The following IFT88 variants were observed in gnomAD, a reference collection of about 807,000 sequenced individuals.
The protein encoded by IFT88 is intraflagellar transport protein 88 homolog.
In IFT88, 74 loss-of-function variants were observed where a neutral mutation model predicts 119.5. That is an observed-to-expected ratio of 0.62 (90% CI 0.51 to 0.75). The LOEUF (loss-of-function observed/expected upper bound fraction) is 0.75, where lower values mean the gene tolerates loss of function less well. IFT88 is among the 30% of genes least tolerant of loss of function. IFT88 has a pLI of 0.00. For synonymous variants in IFT88, 279 were observed against 316.7 expected (o/e 0.88, Z 1.26); for missense variants, 961 against 977.7 (o/e 0.98, Z 0.23).
chr13:20,576,679 A>T (rs1218867922), intron 2 of IFT88, among the ~76,000 whole-genome samples: 1 of 152,160 alleles, frequency 6.6e-6, no homozygotes, highest in Non-Finnish European at 1.5e-5. Flanking sequence ...AGTTCACTGT[A>T]GATGTCTAGA....
intron 4 of IFT88, among the ~76,000 whole-genome samples, chr13:20,590,196 A>G (rs1016624999): frequency 2.3e-4 from 35 of 152,282 alleles, no homozygotes; most frequent in African/African-American, 7.5e-4. Flanking sequence ...CATAAATGTA[A>G]TAGTGTATAT....
chr13:20,666,514 C>T (rs1021759786), intron 23 of IFT88, among the ~76,000 whole-genome samples: 2 of 152,078 alleles, frequency 1.3e-5, no homozygotes, highest in Non-Finnish European at 2.9e-5. Context: ...TTCCAGTCCC[C>T]GGAAGAGTAG....
intron 24 of IFT88, among the ~76,000 whole-genome samples, chr13:20,687,589 C>T (rs139423379): frequency 6.6e-6 from 1 of 152,164 alleles, no homozygotes; most frequent in East Asian, 1.9e-4. Flanking sequence ...TAGACTTAGC[C>T]TTTTAAATGA....
intron 21 of IFT88, among the ~76,000 whole-genome samples, chr13:20,654,473 A>G (rs1255133364): frequency 6.6e-6 from 1 of 152,242 alleles, no homozygotes; most frequent in Non-Finnish European, 1.5e-5. Flanking sequence ...TGTGAAGTGA[A>G]TAATATGCAT....
At chr13:20,587,213 T>C (rs1352062150) in intron 3 of IFT88, among the ~76,000 whole-genome samples, 1 of 152,052 alleles carries the variant, frequency 6.6e-6, no homozygotes, top group Non-Finnish European at 1.5e-5. Context: ...TGGTTTTGTT[T>C]AGATGTTCAA....
intron 15 of IFT88, among the ~76,000 whole-genome samples, chr13:20,630,782 C>G (rs2048091282): frequency 1.3e-5 from 2 of 152,154 alleles, no homozygotes; most frequent in Non-Finnish European, 1.5e-5. Flanking sequence ...GTTAGAACAT[C>G]TATGTTTTCT....
chr13:20,591,007 CAG>C lies in IFT88; in HGVS notation c.252_253del (p.Ala86TyrfsTer7), dbSNP rs1373126554. ...GCATCATCAATAGGAAGACCAATGA[CAG>C]GGGCTATTCAGGTATCTCTATTGGA... On this transcript the variant is annotated frameshift_variant, in exon 5 of 26. Coordinates refer to ENST00000351808, the MANE Select transcript of IFT88 (RefSeq NM_006531.5). LOFTEE classifies it high-confidence loss of function. The C allele has an allele frequency of 3.1e-6, 5 of 1,609,412 alleles. No homozygotes were observed. Among genetic ancestry groups the C allele is most frequent in the Admixed American group, 1.7e-5 (1 of 59,668 alleles).
At chr13:20,603,139 T>C (rs971171196) in intron 12 of IFT88, among the ~76,000 whole-genome samples, 1 of 152,220 alleles carries the variant, frequency 6.6e-6, no homozygotes, top group African/African-American at 2.4e-5. Flanking sequence ...TGGCATACTG[T>C]ATATTAGTTT....
intron 21 of IFT88, among the ~76,000 whole-genome samples, chr13:20,654,276 G>T (rs561667451): frequency 6.6e-6 from 1 of 152,260 alleles, no homozygotes; most frequent in South Asian, 2.1e-4. Context: ...AATGTCCTGT[G>T]TGCTCGGCCA....
intron 1 of IFT88, among the ~76,000 whole-genome samples, chr13:20,573,748 A>G (rs968719357): frequency 1.3e-5 from 2 of 152,146 alleles, no homozygotes; most frequent in South Asian, 2.1e-4. Context: ...TCTGATGGGT[A>G]TGTGGTGGCT....
chr13:20,688,133 T>G (rs1308914663), intron 24 of IFT88, among the ~76,000 whole-genome samples: 1 of 152,100 alleles, frequency 6.6e-6, no homozygotes, highest in Non-Finnish European at 1.5e-5. Context: ...GTCAGGAGTT[T>G]GAGACCAGCC....
At chr13:20,583,078 A>G in intron 3 of IFT88, 59 bp downstream of exon 3, 1 of 1,052,028 alleles carries the variant, frequency 9.5e-7, no homozygotes, top group African/African-American at 1.6e-5. Flanking sequence ...GAAATTTACC[A>G]GATTAACCAT....
intron 23 of IFT88, among the ~76,000 whole-genome samples, chr13:20,669,930 G>A (rs1041107216): frequency 6.6e-6 from 1 of 152,092 alleles, no homozygotes; most frequent in African/African-American, 2.4e-5. Context: ...AAAAAAAATT[G>A]GATATGTTTA....
chr13:20,666,757 T>C (rs1199600360), intron 23 of IFT88, among the ~76,000 whole-genome samples: 4 of 152,228 alleles, frequency 2.6e-5, no homozygotes, highest in African/African-American at 9.6e-5. Context: ...ACAATAAATG[T>C]TCTTTTAAAA....
At chr13:20,640,326 A>C (rs1311965213) in intron 17 of IFT88, among the ~76,000 whole-genome samples, 1 of 151,706 alleles carries the variant, frequency 6.6e-6, no homozygotes, top group Non-Finnish European at 1.5e-5. Flanking sequence ...TAATCCCAGC[A>C]CTTTGGGAGG....
At position 20,582,954 on chromosome 13, in the gene IFT88, T is replaced by C. The variant is rs1363287247; in HGVS notation, c.91-3T>C. On this transcript the variant is annotated splice_polypyrimidine_tract_variant and splice_region_variant and intron_variant, in intron 2 of 25. Coordinates refer to ENST00000351808, the MANE Select transcript of IFT88 (RefSeq NM_006531.5). ...GAATGTTAAATTTGCGTTTTCATTTTAGGAATTGGAGAATGATGCAGCTTT... is the reference window on the plus strand; with the variant it reads ...GAATGTTAAATTTGCGTTTTCATTTCAGGAATTGGAGAATGATGCAGCTTT... 6.2e-7 allele frequency: 1 copy of C among 1,610,148 alleles called. No individual in the cohort carries two copies. The highest frequency in any genetic ancestry group is 1.1e-5 in the South Asian group (1 of 90,652).
At chr13:20,583,575 G>T (rs1486164550) in intron 3 of IFT88, among the ~76,000 whole-genome samples, 1 of 151,974 alleles carries the variant, frequency 6.6e-6, no homozygotes, top group East Asian at 1.9e-4. Context: ...CTTTCATTTT[G>T]TAGATTGCTT....
chr13:20,571,140 C>T (rs191249857), intron 1 of IFT88, among the ~76,000 whole-genome samples: 1 of 152,042 alleles, frequency 6.6e-6, no homozygotes, highest in South Asian at 2.1e-4. Context: ...ATTACAGGTG[C>T]CTGCTATCAT....
At position 20,567,185 on chromosome 13, in the gene IFT88, G is replaced by C. The variant is rs140349726; in HGVS notation, c.-78G>C. 2,407 of 152,394 alleles carry C rather than the reference G, an allele frequency of 0.016. 23 individuals carry two copies. Among genetic ancestry groups the C allele is most frequent in the Middle Eastern group, 0.031 (9 of 292 alleles). 9.4% of individuals were successfully genotyped at this position (152,394 alleles called of 1,614,324 possible). On this transcript the variant is annotated 5_prime_UTR_variant, in exon 1 of 26. Transcript: ENST00000351808. ...GGATTCCGCGCTTGGCAACGGCTCG[G>C]CGTCGCGCTTTGGCCAACCGCTGCG... is the stretch of plus-strand genomic sequence containing the variant.
Sources: gnomAD v4.1 joint callset for allele counts (sites outside exome capture counted in the v4.1 genomes callset) on GRCh38, gnomAD v4.1.1 for gene constraint, MANE v1.5 for transcripts, NCBI Gene and HGNC (gene_info 2026-07-23, HGNC 2026-07-21) for gene names.